RSL1D1: variants seen among roughly 807,000 people sequenced by gnomAD.
RSL1D1 encodes ribosomal L1 domain-containing protein 1.
RSL1D1 carries 34 observed loss-of-function variants against 44.6 expected under a neutral mutation model. That is an observed-to-expected ratio of 0.76 (90% CI 0.58 to 1.02). The LOEUF is 1.02. RSL1D1 is among the 50% of genes least tolerant of loss of function. The probability of loss-of-function intolerance (pLI) is 0.00; values close to 1 mark genes in which losing one functional copy is unlikely to be tolerated. For synonymous variants in RSL1D1, 271 were observed against 207.4 expected, an observed-to-expected ratio of 1.31 and a Z score of -2.63; for missense variants, 767 against 568.1, an observed-to-expected ratio of 1.35 and a Z score of -3.56.
chr16:11,848,156 G>A (rs2053812489), intron 2 of RSL1D1, among the ~76,000 whole-genome samples: 1 of 152,122 alleles, frequency 6.6e-6, no homozygotes, highest in African/African-American at 2.4e-5. Flanking sequence ...GAGAGTCTGA[G>A]GCAGGATAAT....
At chr16:11,841,163 A>G (rs2053761499) in intron 7 of RSL1D1, among the ~76,000 whole-genome samples, 1 of 152,198 alleles carries the variant, frequency 6.6e-6, no homozygotes, top group Admixed American at 6.5e-5. Context: ...TAATCCCAGC[A>G]CTTTGGGAGC....
At chr16:11,840,030 T>C (rs1157043085) in intron 7 of RSL1D1, 45 bp from the exon 8 acceptor site, 2 of 1,591,120 alleles carry the variant, frequency 1.3e-6, no homozygotes, top group Non-Finnish European at 8.5e-7. Context: ...AACAGTTCTG[T>C]TGGTTAACAA....
At chr16:11,838,619 G>A (rs1466840062) in intron 8 of RSL1D1, among the ~76,000 whole-genome samples, 1 of 151,898 alleles carries the variant, frequency 6.6e-6, no homozygotes, top group South Asian at 2.1e-4. Flanking sequence ...CACTATGGAA[G>A]GCTGAGGCAG....
chr16:11,843,000 C>T (rs2141252265), intron 5 of RSL1D1, among the ~76,000 whole-genome samples: 1 of 150,510 alleles, frequency 6.6e-6, no homozygotes, highest in African/African-American at 2.4e-5. Context: ...TGGCTCACTG[C>T]AACCCCCACC....
chr16:11,841,139 G>C (rs1224159488), intron 7 of RSL1D1, among the ~76,000 whole-genome samples: 3 of 152,232 alleles, frequency 2.0e-5, no homozygotes, highest in African/African-American at 7.2e-5. Flanking sequence ...GCCAGGCATA[G>C]TAGCTCATGC....
At position 11,846,697 on chromosome 16, in the gene RSL1D1, C is replaced by A. The variant is rs765018046; in HGVS notation, c.531G>T (p.Lys177Asn). 14 of 1,613,744 alleles carry A rather than the reference C, an allele frequency of 8.7e-6. No homozygotes were observed. The highest frequency in any genetic ancestry group is 1.6e-4 in the Middle Eastern group (1 of 6,062). The change falls in exon 4 of 9, where the codon AAG (lysine) becomes AAT (asparagine). Residue 177 changes from lysine (K) to asparagine (N), a missense_variant and splice_region_variant. By Grantham distance (94) the Lys-to-Asn change is moderately conservative. Coordinates refer to ENST00000571133, the MANE Select transcript of RSL1D1 (RefSeq NM_015659.3). ...SLIGRHFYQR[K>N]KVPVSVNLLS... Reference sequence around the variant, plus strand: ...CCAGTCATTACTAAGAAACTTACTTCTTTCTTTGATAGAAATGTCTCCCAA... The same window carrying A: ...CCAGTCATTACTAAGAAACTTACTTATTTCTTTGATAGAAATGTCTCCCAA...
At position 11,839,715 on chromosome 16, in the gene RSL1D1, G is replaced by C. The variant is rs969231885; in HGVS notation, c.1126C>G (p.Pro376Ala). The change falls in exon 8 of 9, where the codon CCA (proline) becomes GCA (alanine). Residue 376 changes from proline to alanine, a missense_variant. Coordinates refer to ENST00000571133, the MANE Select transcript of RSL1D1 (RefSeq NM_015659.3). ...AATACCTCTACTTTTTCATTAGCTG[G>C]AGTCTTCTTTCCTATTGGTACCAGC... ...PQLVPIGKKT[P>A]ANEKVEIQKH... The C allele has an allele frequency of 6.2e-7, 1 of 1,613,526 alleles. No homozygotes were observed. Among genetic ancestry groups the C allele is most frequent in the East Asian group, 2.2e-5 (1 of 44,880 alleles).
chr16:11,838,525 C>T (rs1298973695), intron 8 of RSL1D1, among the ~76,000 whole-genome samples: 3 of 151,980 alleles, frequency 2.0e-5, no homozygotes, highest in East Asian at 1.9e-4. Flanking sequence ...CCAAAAGGTA[C>T]ACCTCAGTAT....
rs1230665844 is a variant in RSL1D1, at chr16:11,834,283, A to G, written c.*3504T>C. 1 of 152,154 alleles carries G rather than the reference A, an allele frequency of 6.6e-6. No individual in the cohort carries two copies. Among genetic ancestry groups the G allele is most frequent in the Admixed American group, 6.6e-5 (1 of 15,260 alleles). The allele number at this position is 152,154 out of a possible 1,614,324, so 9.4% of individuals were successfully genotyped here. A position where few individuals can be genotyped will look rare whatever the true frequency, so the allele number is the denominator to read the frequency against. On this transcript the variant is annotated 3_prime_UTR_variant, in exon 9 of 9. Transcript: ENST00000571133. ...CAGTACAAACCATATACATACCACC[A>G]TTTTTCAGTACAGTACTCATTACAT...
intron 2 of RSL1D1, 43 bp from the exon 3 acceptor site, chr16:11,847,849 C>T (rs761252298): frequency 2.3e-5 from 36 of 1,564,870 alleles, no homozygotes; most frequent in Non-Finnish European, 1.8e-6. Flanking sequence ...CATTATTACA[C>T]ACATTATGCA....
chr16:11,845,521 G>A (rs980319880), intron 5 of RSL1D1, among the ~76,000 whole-genome samples: 7 of 152,082 alleles, frequency 4.6e-5, no homozygotes, highest in Admixed American at 6.6e-5. Flanking sequence ...GAGCTGCCCC[G>A]TCCAATGCAG....
Position 11,851,475 on chromosome 16 carries a change from G to A in RSL1D1, c.38C>T (p.Ala13Val). The A allele has an allele frequency of 1.2e-6, 2 of 1,614,074 alleles. No homozygotes were observed. Among genetic ancestry groups the A allele is most frequent in the South Asian group, 2.2e-5 (2 of 91,084 alleles). The part of the protein sequence containing the change: ...DSASASLSSA[A>V]ATGTSTSTPA... ...AGTCGAGGTGGAGGTTCCAGTAGCG[G>A]CTGCAGAAGACAGCGAGGCCGAGGC... Residue 13 changes from alanine to valine, a missense_variant, in exon 1 of 9, where the codon GCC becomes GTC. By Grantham distance (64) the Ala-to-Val change is moderately conservative. Coordinates refer to ENST00000571133, the MANE Select transcript of RSL1D1 (RefSeq NM_015659.3).
intron 5 of RSL1D1, among the ~76,000 whole-genome samples, chr16:11,844,891 C>T (rs1263704866): frequency 1.3e-5 from 2 of 152,194 alleles, no homozygotes; most frequent in Non-Finnish European, 2.9e-5. Context: ...AAACTTAAGT[C>T]ACTTCTCAGC....
chr16:11,841,718 A>G lies in RSL1D1; in HGVS notation c.832T>C (p.Ser278Pro). The G allele has an allele frequency of 3.7e-6, 6 of 1,613,152 alleles. No individual in the cohort carries two copies. Among genetic ancestry groups the G allele is most frequent in the Non-Finnish European group, 5.1e-6 (6 of 1,179,710 alleles). Residue 278 changes from serine (S) to proline (P), a missense_variant, in exon 7 of 9, where the codon TCT becomes CCT. Transcript: ENST00000571133. Reference sequence around the variant, plus strand: ...ACTTTTTTCTTCTTATTAAGCAAAGATCTTTTGGTGGCTTCATCCCAATTG... The same window carrying G: ...ACTTTTTTCTTCTTATTAAGCAAAGGTCTTTTGGTGGCTTCATCCCAATTG... ...VSNWDEATKR[S>P]LLNKKKKEAR...
In RSL1D1 at chr16:11,846,957, A is replaced by G. The variant is rs1294467399; in HGVS notation, c.385-114T>C. On this transcript the variant is annotated intron_variant, in intron 3 of 8. Coordinates refer to ENST00000571133, the MANE Select transcript of RSL1D1 (RefSeq NM_015659.3). Reference sequence around the variant, plus strand: ...AAAAATGTCCTAGAGCCATGCCTCTATACTTTAATGAACACTTGAGGGCCT... The same window carrying G: ...AAAAATGTCCTAGAGCCATGCCTCTGTACTTTAATGAACACTTGAGGGCCT... The G allele has an allele frequency of 6.6e-6, 6 of 913,676 alleles. No individual in the cohort carries two copies. In the Admixed American group the frequency reaches 6.7e-5, roughly 10 times the overall value. 56.6% of individuals were successfully genotyped at this position (913,676 alleles called of 1,614,324 possible).
chr16:11,843,626 T>C (rs1247457250), intron 5 of RSL1D1, among the ~76,000 whole-genome samples: 4 of 151,750 alleles, frequency 2.6e-5, no homozygotes, highest in African/African-American at 9.7e-5. Flanking sequence ...CCCAGCACGT[T>C]GGGAGGCCAA....
At chr16:11,839,041 T>C (rs752748707) in intron 8 of RSL1D1, among the ~76,000 whole-genome samples, 1 of 151,980 alleles carries the variant, frequency 6.6e-6, no homozygotes, top group Non-Finnish European at 1.5e-5. Flanking sequence ...GCACATGGTG[T>C]AGGGCAAGGG....
chr16:11,848,207 C>T (rs1485356174), intron 2 of RSL1D1, among the ~76,000 whole-genome samples: 9 of 152,198 alleles, frequency 5.9e-5, no homozygotes, highest in Admixed American at 3.9e-4. Flanking sequence ...GAGCCAAGAT[C>T]GCACCACTGG....
In RSL1D1 at chr16:11,838,026, C is replaced by G. The variant is rs1184123970; in HGVS notation, c.1234G>C (p.Ala412Pro). The G allele has an allele frequency of 6.2e-7, 1 of 1,613,868 alleles. No individual in the cohort carries two copies. Among genetic ancestry groups the G allele is most frequent in the East Asian group, 2.2e-5 (1 of 44,880 alleles). Residue 412 changes from alanine to proline, a missense_variant, in exon 9 of 9, where the codon GCA becomes CCA. Ala to Pro is a conservative substitution (Grantham distance 27). Coordinates refer to ENST00000571133, the MANE Select transcript of RSL1D1 (RefSeq NM_015659.3). Reference protein sequence around the residue: ...PRGKKRKALPASETPKAAESE... With the variant: ...PRGKKRKALPPSETPKAAESE... ...TCTGCAGCTTTTGGGGTCTCAGATG[C>G]TGGCAAAGCCTTTCTTTTCTTCCCA...
Sources: allele counts gnomAD v4.1 joint callset (sites outside exome capture counted in the v4.1 genomes callset), GRCh38; gene constraint gnomAD v4.1.1; transcripts MANE v1.5; gene names NCBI Gene and HGNC (gene_info 2026-07-23, HGNC 2026-07-21).